HNF1B: variants seen among roughly 807,000 people sequenced by gnomAD.
HNF1B encodes the protein HNF1 homeobox B.
HNF1B carries 8 observed loss-of-function variants against 61.7 expected under a neutral mutation model. That is an observed-to-expected ratio of 0.13 (90% confidence interval 0.08 to 0.23). The LOEUF (loss-of-function observed/expected upper bound fraction) is 0.23, where lower values mean the gene tolerates loss of function less well. Among genes scored for constraint, HNF1B ranks in the 10% least tolerant of loss-of-function variants. The probability of loss-of-function intolerance (pLI) is 1.00; values close to 1 mark genes in which losing one functional copy is unlikely to be tolerated. For synonymous variants in HNF1B, 314 were observed against 287.7 expected, an observed-to-expected ratio of 1.09 and a Z score of -0.93; for missense variants, 562 against 714.5, an observed-to-expected ratio of 0.79 and a Z score of 2.43.
At chr17:37,702,663 C>G (rs1330311413) in intron 6 of HNF1B, among the ~76,000 whole-genome samples, 7 of 152,222 alleles carry the variant, frequency 4.6e-5, no homozygotes, top group Non-Finnish European at 1.5e-5. Flanking sequence ...AGCAAATGAT[C>G]CTGTCTAGAG....
In HNF1B at chr17:37,687,346, C is replaced by T. The variant is rs754825400; in HGVS notation, c.*26G>A. ...GTGGAAAACAGGGTCCTTGTTGTTG[C>T]GCACGAAGTAAGTGGTGTGTGGGCA... is the stretch of plus-strand genomic sequence containing the variant. On this transcript the variant is annotated 3_prime_UTR_variant, in exon 9 of 9. Coordinates refer to ENST00000617811, the MANE Select transcript of HNF1B (RefSeq NM_000458.4). 3.0e-5 allele frequency: 49 copies of T among 1,613,872 alleles called. No homozygotes were observed. Among genetic ancestry groups the T allele is most frequent in the Non-Finnish European group, 3.8e-5 (45 of 1,180,014 alleles).
intron 4 of HNF1B, among the ~76,000 whole-genome samples, chr17:37,711,787 A>G (rs2032943314): frequency 6.6e-6 from 1 of 152,208 alleles, no homozygotes; most frequent in African/African-American, 2.4e-5. Flanking sequence ...TAGGTGGACC[A>G]ACTCTTTAGC....
At chr17:37,744,435 G>C in intron 1 of HNF1B, 106 bp downstream of exon 1, 1 of 1,183,210 alleles carries the variant, frequency 8.5e-7, no homozygotes, top group Non-Finnish European at 1.2e-6. Context: ...GGACTTCTCT[G>C]GTGGGAAACG....
chr17:37,701,658 A>G (rs1436685765), intron 6 of HNF1B, among the ~76,000 whole-genome samples: 1 of 152,196 alleles, frequency 6.6e-6, no homozygotes, highest in African/African-American at 2.4e-5. Context: ...AACAACTTCC[A>G]TAGTCCCGGG....
At chr17:37,714,902 GAT>G (rs1233182008) in intron 4 of HNF1B, among the ~76,000 whole-genome samples, 1 of 152,016 alleles carries the variant, frequency 6.6e-6, no homozygotes, top group Non-Finnish European at 1.5e-5. Context: ...GGAAACATCT[GAT>G]GGCTCCTCAC....
At chr17:37,714,297 T>C (rs1196700746) in intron 4 of HNF1B, among the ~76,000 whole-genome samples, 1 of 152,238 alleles carries the variant, frequency 6.6e-6, no homozygotes, top group Non-Finnish European at 1.5e-5. Context: ...TGCCACTTTA[T>C]TGAGCACCTA....
intron 5 of HNF1B, among the ~76,000 whole-genome samples, chr17:37,709,191 G>A (rs552800096): frequency 6.6e-6 from 1 of 152,276 alleles, no homozygotes; most frequent in Non-Finnish European, 1.5e-5. Flanking sequence ...CTGCACTTGT[G>A]TTGCTACAGG....
At chr17:37,744,099 G>A (rs1451262360) in intron 1 of HNF1B, among the ~76,000 whole-genome samples, 3 of 152,256 alleles carry the variant, frequency 2.0e-5, no homozygotes, top group South Asian at 2.1e-4. Flanking sequence ...TGTGTCCGAG[G>A]CCGACATGCG....
At chr17:37,713,879 G>C (rs1440515800) in intron 4 of HNF1B, among the ~76,000 whole-genome samples, 2 of 152,218 alleles carry the variant, frequency 1.3e-5, no homozygotes, top group African/African-American at 4.8e-5. Flanking sequence ...TCTTATGAGG[G>C]GGCGGGGTGG....
intron 4 of HNF1B, among the ~76,000 whole-genome samples, chr17:37,715,628 A>G (rs548332023): frequency 3.9e-5 from 6 of 152,310 alleles, no homozygotes; most frequent in African/African-American, 1.4e-4. Context: ...CTGGTAAGAC[A>G]CATCCATGCA....
chr17:37,687,703 A>G (rs1026450835), intron 8 of HNF1B, among the ~76,000 whole-genome samples: 9 of 152,290 alleles, frequency 5.9e-5, no homozygotes, highest in African/African-American at 2.2e-4. Context: ...AGTGGCATTT[A>G]TAGAGTGCTT....
At chr17:37,721,725 T>C (rs1391501743) in intron 4 of HNF1B, among the ~76,000 whole-genome samples, 4 of 151,232 alleles carry the variant, frequency 2.6e-5, no homozygotes, top group African/African-American at 9.7e-5. Context: ...CTCTCTTTTT[T>C]TTTTTTTTTT....
At chr17:37,740,224 C>T (rs572840503) in intron 1 of HNF1B, among the ~76,000 whole-genome samples, 23 of 152,254 alleles carry the variant, frequency 1.5e-4, no homozygotes, top group African/African-American at 4.8e-4. Context: ...CTGCCTCGGC[C>T]TCCCAAAGTG....
chr17:37,704,360 G>A (rs1376088021), intron 6 of HNF1B, among the ~76,000 whole-genome samples: 1 of 152,194 alleles, frequency 6.6e-6, no homozygotes, highest in East Asian at 1.9e-4. Flanking sequence ...TACAATGGCA[G>A]TTTCCCTCTG....
chr17:37,733,495 G>C, intron 3 of HNF1B, 62 bp downstream of exon 3: 1 of 1,587,582 alleles, frequency 6.3e-7, no homozygotes, highest in East Asian at 2.2e-5. Context: ...CCAGGACCGA[G>C]GGGAGGGTTC....
intron 5 of HNF1B, among the ~76,000 whole-genome samples, chr17:37,708,077 A>G (rs2032810700): frequency 6.6e-6 from 1 of 152,192 alleles, no homozygotes; most frequent in Non-Finnish European, 1.5e-5. Context: ...TTACAGATGA[A>G]GAAACTGAGG....
intron 4 of HNF1B, among the ~76,000 whole-genome samples, chr17:37,711,257 G>GA (rs1010120236): frequency 2.0e-5 from 3 of 152,210 alleles, no homozygotes; most frequent in Non-Finnish European, 4.4e-5. Flanking sequence ...GGCAGAGCAG[G>GA]ACAGGGATGA....
At chr17:37,702,018 A>G (rs2032588323) in intron 6 of HNF1B, among the ~76,000 whole-genome samples, 1 of 152,090 alleles carries the variant, frequency 6.6e-6, no homozygotes. Context: ...CCCATGCTCT[A>G]TCTCCTCCCT....
chr17:37,705,347 C>G (rs1038371558), intron 5 of HNF1B, among the ~76,000 whole-genome samples: 5 of 152,168 alleles, frequency 3.3e-5, no homozygotes, highest in African/African-American at 1.2e-4. Context: ...TACTGTGGGA[C>G]AGACACTATT....
Sources: allele counts gnomAD v4.1 joint callset (sites outside exome capture counted in the v4.1 genomes callset), GRCh38; gene constraint gnomAD v4.1.1; transcripts MANE v1.5; gene names NCBI Gene and HGNC (gene_info 2026-07-23, HGNC 2026-07-21).